Variants in PGCKA1 observed in about 807,000 individuals in gnomAD.
The protein encoded by PGCKA1 is PDCD10 and GCKIII kinases associated 1, also known as PDCD10 and GCKIII kinases-associated protein 1.
At chr4:37,516,496 A>G in the PGCKA1 span, among the ~76,000 whole-genome samples, 1 of 152,250 alleles carries the variant, frequency 6.6e-6, no homozygotes, top group Non-Finnish European at 1.5e-5. Context: ...AGAAATTTTT[A>G]ACAGATGAGG....
the PGCKA1 span, among the ~76,000 whole-genome samples, chr4:37,562,898 C>G: frequency 6.6e-6 from 1 of 152,208 alleles, no homozygotes; most frequent in Non-Finnish European, 1.5e-5. Flanking sequence ...CAGAGATCTT[C>G]TACCTCTTAG....
chr4:37,588,617 C>G, the PGCKA1 span: 2 of 492,038 alleles, frequency 4.1e-6, no homozygotes, highest in South Asian at 5.8e-5. Flanking sequence ...GGAGAAAGGT[C>G]TGACACAGAG....
chr4:37,491,962 C>T, the PGCKA1 span, among the ~76,000 whole-genome samples: 1 of 151,724 alleles, frequency 6.6e-6, no homozygotes, highest in Non-Finnish European at 1.5e-5. Context: ...CTCTGAATGG[C>T]CTTTTTGTAG....
the PGCKA1 span, among the ~76,000 whole-genome samples, chr4:37,460,229 G>C: frequency 6.6e-6 from 1 of 152,250 alleles, no homozygotes; most frequent in South Asian, 2.1e-4. Flanking sequence ...GCTTTATCCA[G>C]TCTGTCACTG....
the PGCKA1 span, among the ~76,000 whole-genome samples, chr4:37,560,717 T>G: frequency 2.0e-5 from 3 of 152,068 alleles, no homozygotes; most frequent in South Asian, 6.2e-4. Context: ...CCACTTAAAA[T>G]CACCCTTGCC....
chr4:37,456,599 G>A, the PGCKA1 span, among the ~76,000 whole-genome samples: 1 of 152,172 alleles, frequency 6.6e-6, no homozygotes, highest in African/African-American at 2.4e-5. Flanking sequence ...TCTGTTCAGT[G>A]TACAAGTGGT....
chr4:37,477,136 A>G, the PGCKA1 span, among the ~76,000 whole-genome samples: 1 of 152,228 alleles, frequency 6.6e-6, no homozygotes, highest in African/African-American at 2.4e-5. Flanking sequence ...CCAAAAGTAG[A>G]AACAACCTAA....
At chr4:37,508,306 C>G in the PGCKA1 span, among the ~76,000 whole-genome samples, 2 of 152,172 alleles carry the variant, frequency 1.3e-5, no homozygotes, top group East Asian at 3.9e-4. Context: ...TCCCCTATCT[C>G]TTTCTCTACC....
chr4:37,539,366 C>T, the PGCKA1 span, among the ~76,000 whole-genome samples: 1 of 152,158 alleles, frequency 6.6e-6, no homozygotes, highest in Non-Finnish European at 1.5e-5. Flanking sequence ...CCCCTCTAAA[C>T]CCTGTGGCAG....
chr4:37,567,576 T>C, the PGCKA1 span, among the ~76,000 whole-genome samples: 3 of 152,244 alleles, frequency 2.0e-5, no homozygotes, highest in Admixed American at 2.0e-4. Context: ...TTAACCACTC[T>C]GCTGAACTGC....
the PGCKA1 span, among the ~76,000 whole-genome samples, chr4:37,498,008 A>G: frequency 6.6e-6 from 1 of 151,872 alleles, no homozygotes; most frequent in Admixed American, 6.6e-5. Flanking sequence ...CAATGTCTAG[A>G]ATATTATGTT....
At chr4:37,530,934 G>T in the PGCKA1 span, among the ~76,000 whole-genome samples, 1 of 152,006 alleles carries the variant, frequency 6.6e-6, no homozygotes, top group Non-Finnish European at 1.5e-5. Flanking sequence ...GCAGTGAGCC[G>T]AGAGAGTGCC....
At chr4:37,581,976 G>A in the PGCKA1 span, among the ~76,000 whole-genome samples, 1 of 152,206 alleles carries the variant, frequency 6.6e-6, no homozygotes, top group African/African-American at 2.4e-5. The surrounding 1 kb of genome is among the most constrained non-coding windows in gnomAD (Gnocchi z 4.4). Context: ...CCCTCTGTGT[G>A]TGGGTAGGCT....
the PGCKA1 span, among the ~76,000 whole-genome samples, chr4:37,507,894 T>C: frequency 6.6e-6 from 1 of 152,172 alleles, no homozygotes; most frequent in Non-Finnish European, 1.5e-5. Flanking sequence ...GCTTTTGTTT[T>C]TCTGGGAAAG....
At chr4:37,539,022 G>A in the PGCKA1 span, among the ~76,000 whole-genome samples, 1 of 152,098 alleles carries the variant, frequency 6.6e-6, no homozygotes, top group Non-Finnish European at 1.5e-5. Flanking sequence ...CCCTAAGAAT[G>A]ACCCCCACAT....
chr4:37,565,460 G>A, the PGCKA1 span, among the ~76,000 whole-genome samples: 4 of 152,108 alleles, frequency 2.6e-5, no homozygotes, highest in African/African-American at 9.7e-5. Context: ...GAGCAGCACC[G>A]GGTCTAATCT....
the PGCKA1 span, among the ~76,000 whole-genome samples, chr4:37,572,122 G>T: frequency 7.1e-6 from 1 of 140,678 alleles, no homozygotes; most frequent in Non-Finnish European, 1.5e-5. Flanking sequence ...GAGTGCAGTG[G>T]CGGGATCTCG....
the PGCKA1 span, among the ~76,000 whole-genome samples, chr4:37,509,929 G>A: frequency 6.8e-6 from 1 of 147,260 alleles, no homozygotes; most frequent in Admixed American, 6.8e-5. Context: ...TCCAGCTTCG[G>A]CTGGGCATCA....
At chr4:37,527,562 G>T in the PGCKA1 span, among the ~76,000 whole-genome samples, 1 of 151,958 alleles carries the variant, frequency 6.6e-6, no homozygotes, top group Middle Eastern at 3.4e-3. Context: ...GCTCACGCCT[G>T]TAATCCCAGC....
Sources: allele counts gnomAD v4.1 joint callset (sites outside exome capture counted in the v4.1 genomes callset), GRCh38; gene constraint gnomAD v4.1.1; non-coding constraint Gnocchi (gnomAD v3.1); transcripts MANE v1.5; gene names NCBI Gene and HGNC (gene_info 2026-07-23, HGNC 2026-07-21).